The following KLRG1 variants were observed in gnomAD, a reference collection of about 807,000 sequenced individuals.
KLRG1 encodes the protein killer cell lectin-like receptor subfamily G member 1.
Under a neutral mutation model 21.8 loss-of-function variants are expected in KLRG1, and 16 were observed. That is an observed-to-expected ratio of 0.73 (90% CI 0.50 to 1.11). The LOEUF is 1.11. Among genes scored for constraint, KLRG1 ranks in the 50% most tolerant of loss-of-function variants. The pLI is 0.00. For missense variants in KLRG1, 173 were observed against 218.3 expected (o/e 0.79, Z 1.31); for synonymous variants, 69 against 75.9 (o/e 0.91, Z 0.47).
chr12:9,169,421 G>T, the KLRG1 span: 2 of 1,581,778 alleles, frequency 1.3e-6, no homozygotes, highest in Non-Finnish European at 8.6e-7. Context: ...TAAGTAGTGA[G>T]AATTTTACCT....
chr12:8,992,379 G>A, intron 2 of KLRG1, 69 bp downstream of exon 2: 2 of 1,146,152 alleles, frequency 1.7e-6, no homozygotes, highest in Middle Eastern at 2.1e-4. Flanking sequence ...CATAGCAGAA[G>A]CTTTGAAAAA....
At chr12:8,998,593 GTGAGAGAATCCCC>G (rs1947208974) in intron 3 of KLRG1, among the ~76,000 whole-genome samples, 1 of 151,558 alleles carries the variant, frequency 6.6e-6, no homozygotes, top group Non-Finnish European at 1.5e-5. Context: ...GGAGGCTGAG[GTGAGAGAATCCCC>G]TGAACCCAGG....
chr12:9,089,301 CAT>C, the KLRG1 span: 1 of 1,337,482 alleles, frequency 7.5e-7, no homozygotes, highest in African/African-American at 1.4e-5. Flanking sequence ...ACCTTCAGAA[CAT>C]GTGTTTTAAT....
chr12:9,121,449 G>C, the KLRG1 span, among the ~76,000 whole-genome samples: 1 of 152,138 alleles, frequency 6.6e-6, no homozygotes, highest in African/African-American at 2.4e-5. The surrounding 1 kb of genome is among the most constrained non-coding windows in gnomAD (Gnocchi z 4.4). Flanking sequence ...ACTGATGCAC[G>C]AGAATCGCTT....
chr12:8,962,558 A>G (rs1409914731), intron 1 of KLRG1, among the ~76,000 whole-genome samples: 2 of 151,964 alleles, frequency 1.3e-5, no homozygotes, highest in Admixed American at 6.6e-5. Context: ...TACCAAAAAA[A>G]TACAAAAATT....
At chr12:9,100,127 C>T in the KLRG1 span, among the ~76,000 whole-genome samples, 3 of 152,130 alleles carry the variant, frequency 2.0e-5, no homozygotes, top group Admixed American at 1.3e-4. Flanking sequence ...TATATTATGA[C>T]ATATTTGCTC....
downstream of KLRG1, among the ~76,000 whole-genome samples, chr12:9,011,169 C>T (rs758375413): frequency 1.2e-4 from 18 of 152,254 alleles, no homozygotes; most frequent in Admixed American, 9.2e-4. Flanking sequence ...GTGCAGACCT[C>T]CTCTGTGACT....
the KLRG1 span, among the ~76,000 whole-genome samples, chr12:9,041,636 C>G: frequency 6.6e-6 from 1 of 152,164 alleles, no homozygotes; most frequent in Non-Finnish European, 1.5e-5. Flanking sequence ...GACCCCTGAC[C>G]TGCCTTGTAA....
chr12:9,086,698 A>G, the KLRG1 span, among the ~76,000 whole-genome samples: 1 of 152,224 alleles, frequency 6.6e-6, no homozygotes, highest in African/African-American at 2.4e-5. Flanking sequence ...ACAGTGGAAA[A>G]TTGAAAGACT....
rs539475714 is a variant in KLRG1, at chr12:9,010,373, A to C, written c.*836A>C. On this transcript the variant is annotated 3_prime_UTR_variant, in exon 5 of 5. Transcript: ENST00000356986. ...AATGTGTGATTGTATCTTTTCCATT[A>C]TGTGACTGTTTGACCTGCATATTAA... The C allele has an allele frequency of 2.7e-5, 5 of 188,536 alleles. No individual in the cohort carries two copies. Among genetic ancestry groups the C allele is most frequent in the African/African-American group, 1.2e-4 (5 of 42,854 alleles). 11.7% of individuals were successfully genotyped at this position (188,536 alleles called of 1,614,324 possible).
the KLRG1 span, chr12:9,163,872 G>T: frequency 6.9e-7 from 1 of 1,458,368 alleles, no homozygotes; most frequent in Non-Finnish European, 9.2e-7. Context: ...ACTTATAGTT[G>T]TCCAGAATAG....
At chr12:9,030,516 C>T in the KLRG1 span, among the ~76,000 whole-genome samples, 5 of 152,086 alleles carry the variant, frequency 3.3e-5, no homozygotes, top group Non-Finnish European at 2.9e-5. Context: ...ACATGATTCT[C>T]CTGCCTCAGC....
chr12:9,106,599 T>A, the KLRG1 span: 1 of 1,546,216 alleles, frequency 6.5e-7, no homozygotes, highest in Non-Finnish European at 8.8e-7. Flanking sequence ...CAGCCATGGC[T>A]GTTTAGCTAA....
At chr12:9,148,792 A>G in the KLRG1 span, 1 of 579,698 alleles carries the variant, frequency 1.7e-6, no homozygotes, top group Non-Finnish European at 3.0e-6. Flanking sequence ...ATAACTCATC[A>G]TGTGAACATG....
At position 8,995,298 on chromosome 12, in the gene KLRG1, A is replaced by G. The variant is rs1414981537; in HGVS notation, c.357+10A>G. The G allele has an allele frequency of 6.3e-7, 1 of 1,593,374 alleles. No homozygotes were observed. Among genetic ancestry groups the G allele is most frequent in the African/African-American group, 1.4e-5 (1 of 73,550 alleles). ...GGACAATCAGGAAATGGTAAATGCA[A>G]ACATTTAGAAAATGTAGGGTTTTTG... is the stretch of plus-strand genomic sequence containing the variant. On this transcript the variant is annotated intron_variant, in intron 3 of 4. Coordinates refer to ENST00000356986, the MANE Select transcript of KLRG1 (RefSeq NM_005810.4).
the KLRG1 span, among the ~76,000 whole-genome samples, chr12:9,026,772 A>G: frequency 1.3e-5 from 2 of 151,944 alleles, no homozygotes; most frequent in Middle Eastern, 3.4e-3. Context: ...TGTTGCAAAT[A>G]TTTTATATTA....
chr12:9,077,620 AT>A, the KLRG1 span: 3 of 1,564,700 alleles, frequency 1.9e-6, no homozygotes, highest in Non-Finnish European at 2.6e-6. Context: ...TTCCCTTAGA[AT>A]TTTTCACATT....
At chr12:8,999,632 T>C (rs962907052) in intron 3 of KLRG1, among the ~76,000 whole-genome samples, 6 of 152,250 alleles carry the variant, frequency 3.9e-5, no homozygotes, top group African/African-American at 1.4e-4. Flanking sequence ...GCTTGGTTTC[T>C]TTCAGACAGT....
Position 9,010,260 on chromosome 12 carries a change from T to C in KLRG1, c.*723T>C. On this transcript the variant is annotated 3_prime_UTR_variant, in exon 5 of 5. Coordinates refer to ENST00000356986, the MANE Select transcript of KLRG1 (RefSeq NM_005810.4). ...GTGAGGGCAAGGTGGTACTTCCTCC[T>C]TCTGAGCTCTTCACACGTAATGCAA... 2.1e-6 allele frequency: 1 copy of C among 475,872 alleles called. No homozygotes were observed. The highest frequency in any genetic ancestry group is 3.7e-6 in the Non-Finnish European group (1 of 267,616). 29.5% of individuals were successfully genotyped at this position (475,872 alleles called of 1,614,324 possible).
Sources: allele counts gnomAD v4.1 joint callset (sites outside exome capture counted in the v4.1 genomes callset), GRCh38; gene constraint gnomAD v4.1.1; non-coding constraint Gnocchi (gnomAD v3.1); transcripts MANE v1.5; gene names NCBI Gene and HGNC (gene_info 2026-07-23, HGNC 2026-07-21).